The following ZNF124 variants were observed in gnomAD, a reference collection of about 807,000 sequenced individuals.
The protein encoded by ZNF124 is zinc finger protein 124.
ZNF124 carries 25 observed loss-of-function variants against 26.6 expected under a neutral mutation model. That is an observed-to-expected ratio of 0.94 (90% CI 0.68 to 1.31). The LOEUF is 1.31. ZNF124 is among the 40% of genes most tolerant of loss of function. The pLI is 0.00. For missense variants in ZNF124, 444 were observed against 422.2 expected (o/e 1.05, Z -0.45); for synonymous variants, 129 against 133.3 (o/e 0.97, Z 0.22).
intron 3 of ZNF124, among the ~76,000 whole-genome samples, chr1:247,149,341 C>T (rs1672867003): frequency 6.6e-6 from 1 of 152,212 alleles, no homozygotes; most frequent in African/African-American, 2.4e-5. Context: ...AAGCCCACTT[C>T]TGGGATTATA....
intron 1 of ZNF124, among the ~76,000 whole-genome samples, chr1:247,169,366 G>A (rs1673964046): frequency 1.3e-5 from 2 of 152,176 alleles, no homozygotes; most frequent in African/African-American, 4.8e-5. Context: ...GGTGCAGTTT[G>A]CTTGGCAGGT....
chr1:247,144,271 C>T (rs1223890464), intron 3 of ZNF124, among the ~76,000 whole-genome samples: 1 of 152,162 alleles, frequency 6.6e-6, no homozygotes, highest in Non-Finnish European at 1.5e-5. Flanking sequence ...AGAATTTCAC[C>T]TTTATTCTGG....
chr1:247,135,312 G>C (rs1423512667), intron 3 of ZNF124, among the ~76,000 whole-genome samples: 1 of 151,970 alleles, frequency 6.6e-6, no homozygotes, highest in Non-Finnish European at 1.5e-5. Flanking sequence ...TAATAAGAGA[G>C]AGAAGAATCA....
At chr1:247,139,198 A>G (rs993486800) in intron 3 of ZNF124, among the ~76,000 whole-genome samples, 1 of 152,246 alleles carries the variant, frequency 6.6e-6, no homozygotes, top group Non-Finnish European at 1.5e-5. Flanking sequence ...CGTGTCCTCA[A>G]CCTTAGCAAA....
intron 1 of ZNF124, among the ~76,000 whole-genome samples, chr1:247,161,832 A>G (rs897254038): frequency 2.6e-5 from 4 of 152,180 alleles, no homozygotes; most frequent in African/African-American, 9.6e-5. Context: ...GGTGATTACC[A>G]CACCAAATAA....
rs528100708 is a variant in ZNF124, at chr1:247,125,567, G to T, written c.219-1696C>A. On this transcript the variant is annotated intron_variant, in intron 3 of 3. Transcript: ENST00000472531. The stretch of plus-strand genomic sequence containing the variant: ...CTGCCTCAGCATCCTGAGTAGCTGG[G>T]ATTACAGGCGTCTGCCATCACACCC... 2.7e-5 allele frequency among the ~76,000 whole-genome samples: 4 copies of T among 150,212 alleles called. No individual in the cohort carries two copies. The South Asian group carries it at 8.4e-4, about 32-fold the overall frequency.
At chr1:247,152,052 C>T (rs868537855), downstream of ZNF124, among the ~76,000 whole-genome samples, 30 of 131,814 alleles carry the variant, frequency 2.3e-4, no homozygotes, top group Middle Eastern at 4.3e-3. Context: ...CCCCACCCCC[C>T]GCTTTTTTTT....
chr1:247,151,187 A>G (rs896528384), downstream of ZNF124, among the ~76,000 whole-genome samples: 2 of 152,124 alleles, frequency 1.3e-5, no homozygotes. Context: ...GACAGAAAAT[A>G]CCATGTGTTG....
chr1:247,125,144 T>C (rs188987374), intron 3 of ZNF124, among the ~76,000 whole-genome samples: 188 of 152,296 alleles, frequency 1.2e-3, no homozygotes, highest in African/African-American at 4.2e-3. Context: ...ATTGCAAGGA[T>C]AGACCACATT....
chr1:247,131,187 G>A (rs1418982728), intron 3 of ZNF124, among the ~76,000 whole-genome samples: 1 of 152,228 alleles, frequency 6.6e-6, no homozygotes, highest in Non-Finnish European at 1.5e-5. Context: ...GAACAGTGTG[G>A]TGCTGCGGCC....
chr1:247,164,340 G>A (rs1258174141), intron 1 of ZNF124, among the ~76,000 whole-genome samples: 1 of 152,116 alleles, frequency 6.6e-6, no homozygotes, highest in Non-Finnish European at 1.5e-5. Flanking sequence ...CAAATGATAT[G>A]ATCCTATACC....
chr1:247,145,449 G>A lies in ZNF124; in HGVS notation c.218+13557C>T, dbSNP rs577647477. 5.9e-5 allele frequency among the ~76,000 whole-genome samples: 9 copies of A among 152,184 alleles called. No individual in the cohort carries two copies. The East Asian group carries it at 1.6e-3, about 26-fold the overall frequency. On this transcript the variant is annotated intron_variant, in intron 3 of 3. Coordinates refer to the ZNF124 transcript ENST00000472531. ...CCTTCCAAAGTGAGTCAAAAGGTCG[G>A]TGAAGTCATTCTATTGAGAACGGTC...
Position 247,168,373 on chromosome 1 carries a change from A to T in ZNF124, c.30+3475T>A, listed in dbSNP as rs898930914. 6.6e-6 allele frequency among the ~76,000 whole-genome samples: 1 copy of T among 152,192 alleles called. No individual in the cohort carries two copies. The highest frequency in any genetic ancestry group is 1.5e-5 in the Non-Finnish European group (1 of 68,044). On this transcript the variant is annotated intron_variant, in intron 1 of 3. Transcript: ENST00000543802. This position sits in a 1 kb window ranked among gnomAD's most constrained non-coding sequence, Gnocchi z 4.0. ...GCAAAACCCTGTCTCTACTAAAAAT[A>T]CAAAAAAAATTTAGCTGGGCGTGAT...
intron 3 of ZNF124, among the ~76,000 whole-genome samples, chr1:247,145,343 GATT>G (rs1309970791): frequency 7.2e-5 from 11 of 152,210 alleles, no homozygotes; most frequent in African/African-American, 2.7e-4. Flanking sequence ...AGGTGACAGA[GATT>G]AGTTTCAAGG....
At chr1:247,140,902 G>C (rs1672609875) in intron 3 of ZNF124, among the ~76,000 whole-genome samples, 1 of 152,160 alleles carries the variant, frequency 6.6e-6, no homozygotes. Context: ...TCTCCCACTT[G>C]AATGCTGGCT....
At chr1:247,165,780 T>C (rs906402564) in intron 1 of ZNF124, among the ~76,000 whole-genome samples, 2 of 152,012 alleles carry the variant, frequency 1.3e-5, no homozygotes, top group African/African-American at 4.8e-5. Context: ...TCAAAAGATA[T>C]ACAAACATGA....
In ZNF124 at chr1:247,164,600, C is replaced by A. The variant is rs552504218; in HGVS notation, c.31-4787G>T. Among the ~76,000 whole-genome samples, 882 of 149,402 alleles carry A rather than the reference C, an allele frequency of 5.9e-3. 15 individuals are homozygous for A. The highest frequency in any genetic ancestry group is 0.019 in the African/African-American group (772 of 40,598). On this transcript the variant is annotated intron_variant, in intron 1 of 3. Coordinates refer to ENST00000543802, the MANE Select transcript of ZNF124 (RefSeq NM_001297568.2). Reference sequence around the variant, plus strand: ...CAAGATGCTGCTGGGAAAAAAAAAACAAAACAAAACAAACAGAGATGATAC... The same window carrying A: ...CAAGATGCTGCTGGGAAAAAAAAAAAAAAACAAAACAAACAGAGATGATAC...
chr1:247,126,128 C>T (rs10159377), intron 3 of ZNF124, among the ~76,000 whole-genome samples: 45,355 of 151,214 alleles, frequency 0.3, 7,018 homozygotes, highest in Middle Eastern at 0.38. Flanking sequence ...TTATATTGTA[C>T]CCTATTTTAA....
chr1:247,170,708 C>T (rs1443768771), intron 1 of ZNF124, among the ~76,000 whole-genome samples: 1 of 143,134 alleles, frequency 7.0e-6, no homozygotes, highest in Non-Finnish European at 1.5e-5. Context: ...GTGAGAGGGT[C>T]GTGATCGATT....
Sources: allele counts gnomAD v4.1 joint callset (sites outside exome capture counted in the v4.1 genomes callset), GRCh38; gene constraint gnomAD v4.1.1; non-coding constraint Gnocchi (gnomAD v3.1); transcripts MANE v1.5; gene names NCBI Gene and HGNC (gene_info 2026-07-23, HGNC 2026-07-21).